Variants in MAF observed in about 807,000 individuals in gnomAD.
MAF encodes the protein MAF bZIP transcription factor.
MAF carries 10 observed loss-of-function variants against 22.0 expected under a neutral mutation model. The ratio of observed to expected loss-of-function variants is 0.45; its 90% CI spans 0.28 to 0.77. MAF has a LOEUF of 0.77. Ranked by LOEUF, MAF falls within the 30% of genes least tolerant of loss-of-function variation. The probability of loss-of-function intolerance (pLI) is 0.12; values close to 1 mark genes in which losing one functional copy is unlikely to be tolerated. For missense variants in MAF, 544 were observed against 548.4 expected (o/e 0.99, Z 0.08); for synonymous variants, 337 against 255.8 (o/e 1.32, Z -3.03).
the MAF span, among the ~76,000 whole-genome samples, chr16:79,478,683 T>G: frequency 2.6e-5 from 4 of 152,238 alleles, no homozygotes; most frequent in African/African-American, 9.6e-5. Context: ...AATGCCTGCA[T>G]CTTTGTGTAG....
At chr16:79,594,789 T>G (rs1913415840) in intron 1 of MAF, 1 of 1,316,044 alleles carries the variant, frequency 7.6e-7, no homozygotes. Context: ...TAAAAATGCC[T>G]TTTACTAGGA....
At chr16:79,422,623 T>C in the MAF span, among the ~76,000 whole-genome samples, 1 of 152,162 alleles carries the variant, frequency 6.6e-6, no homozygotes, top group Non-Finnish European at 1.5e-5. Flanking sequence ...TACTTAGTGC[T>C]CAGTAGCTGC....
At chr16:79,573,026 G>T in the MAF span, among the ~76,000 whole-genome samples, 13 of 152,096 alleles carry the variant, frequency 8.5e-5, no homozygotes, top group Admixed American at 2.6e-4. Flanking sequence ...TTGTGAGGAA[G>T]GTTGAACATT....
the MAF span, among the ~76,000 whole-genome samples, chr16:79,535,541 G>C: frequency 6.7e-6 from 1 of 149,118 alleles, no homozygotes; most frequent in Non-Finnish European, 1.5e-5. Flanking sequence ...TCTATAATAT[G>C]CATTATTCAT....
the MAF span, among the ~76,000 whole-genome samples, chr16:79,270,094 C>CG: frequency 6.6e-6 from 1 of 151,832 alleles, no homozygotes; most frequent in Non-Finnish European, 1.5e-5. Context: ...TACCTCTTCT[C>CG]GGGGTGGGTG....
chr16:79,505,054 A>G, the MAF span, among the ~76,000 whole-genome samples: 1 of 152,176 alleles, frequency 6.6e-6, no homozygotes, highest in Non-Finnish European at 1.5e-5. Flanking sequence ...CCTGAGGATG[A>G]CTGAGAACAG....
chr16:79,446,184 T>C, the MAF span, among the ~76,000 whole-genome samples: 1 of 152,206 alleles, frequency 6.6e-6, no homozygotes, highest in Non-Finnish European at 1.5e-5. Flanking sequence ...CTCTCTAGGA[T>C]ATTTGCTAAG....
the MAF span, among the ~76,000 whole-genome samples, chr16:79,543,411 C>A: frequency 6.6e-6 from 1 of 152,160 alleles, no homozygotes; most frequent in African/African-American, 2.4e-5. Context: ...AGGCTTTCTG[C>A]CAAGATGACA....
chr16:79,416,976 T>C, the MAF span, among the ~76,000 whole-genome samples: 2 of 152,216 alleles, frequency 1.3e-5, no homozygotes, highest in Non-Finnish European at 2.9e-5. Flanking sequence ...ACACCAGCTT[T>C]ATATTCAAGT....
At chr16:79,340,207 A>G in the MAF span, among the ~76,000 whole-genome samples, 2 of 151,936 alleles carry the variant, frequency 1.3e-5, no homozygotes, top group South Asian at 4.2e-4. Context: ...TTTGGTCCAA[A>G]AAGAGTGTTA....
chr16:79,594,872 T>G, intron 1 of MAF: 1 of 1,221,176 alleles, frequency 8.2e-7, no homozygotes, highest in Non-Finnish European at 1.0e-6. Context: ...TTTCTAAAGT[T>G]TGGGGGCCCA....
At chr16:79,510,419 T>C in the MAF span, among the ~76,000 whole-genome samples, 60 of 152,172 alleles carry the variant, frequency 3.9e-4, no homozygotes, top group Non-Finnish European at 2.5e-4. Context: ...CTCCCCGCAG[T>C]CTGGGGACTA....
At chr16:79,571,898 G>A in the MAF span, among the ~76,000 whole-genome samples, 2 of 152,098 alleles carry the variant, frequency 1.3e-5, no homozygotes, top group Non-Finnish European at 2.9e-5. Flanking sequence ...GTGCAACAAG[G>A]TCAAAGAATT....
the MAF span, chr16:79,204,683 C>T: frequency 2.6e-5 from 4 of 152,264 alleles, no homozygotes; most frequent in Non-Finnish European, 4.4e-5. Flanking sequence ...CCCTGCCCTT[C>T]AATCCTGCTG....
At chr16:79,344,009 T>C in the MAF span, among the ~76,000 whole-genome samples, 3 of 152,302 alleles carry the variant, frequency 2.0e-5, no homozygotes, top group African/African-American at 4.8e-5. Flanking sequence ...CCAGTGAGTG[T>C]CATTTGCTCA....
chr16:79,224,317 A>G, the MAF span, among the ~76,000 whole-genome samples: 4 of 152,314 alleles, frequency 2.6e-5, no homozygotes, highest in East Asian at 7.7e-4. Context: ...ACAACCCTTC[A>G]TGCTAAAACT....
chr16:79,544,510 C>T, the MAF span, among the ~76,000 whole-genome samples: 1 of 152,084 alleles, frequency 6.6e-6, no homozygotes, highest in Admixed American at 6.5e-5. Context: ...CATGGTGGCT[C>T]ATGCCTGTAA....
chr16:79,573,994 C>T, the MAF span, among the ~76,000 whole-genome samples: 11 of 152,154 alleles, frequency 7.2e-5, no homozygotes, highest in African/African-American at 7.2e-5. Context: ...TATACCGTGC[C>T]GCATTCTGGA....
chr16:79,405,596 G>A, the MAF span, among the ~76,000 whole-genome samples: 2 of 152,162 alleles, frequency 1.3e-5, no homozygotes, highest in Non-Finnish European at 2.9e-5. Context: ...TCGCCTTAGT[G>A]CAAAACACAC....
Sources: gnomAD v4.1 joint callset for allele counts (sites outside exome capture counted in the v4.1 genomes callset) on GRCh38, gnomAD v4.1.1 for gene constraint, MANE v1.5 for transcripts, NCBI Gene and HGNC (gene_info 2026-07-23, HGNC 2026-07-21) for gene names.